The following TTC3 variants were observed in gnomAD, a reference collection of about 807,000 sequenced individuals.
TTC3 encodes tetratricopeptide repeat domain 3.
In TTC3, 180 loss-of-function variants were observed where a neutral mutation model predicts 249.6. The ratio of observed to expected loss-of-function variants is 0.72; its 90% confidence interval spans 0.64 to 0.82. The LOEUF (loss-of-function observed/expected upper bound fraction) is 0.82. Ranked by LOEUF, TTC3 falls within the 40% of genes least tolerant of loss-of-function variation. The pLI is 0.00. For missense variants in TTC3, 2,061 were observed against 2,398.4 expected, an observed-to-expected ratio of 0.86 and a Z score of 2.94; for synonymous variants, 717 against 805.0, an observed-to-expected ratio of 0.89 and a Z score of 1.85.
chr21:37,083,085 A>C, intron 1 of TTC3: 1 of 985,444 alleles, frequency 1.0e-6, no homozygotes, highest in Non-Finnish European at 1.2e-6. Flanking sequence ...AGACATGGGC[A>C]GGGTGCTCTT....
intron 9 of TTC3, among the ~76,000 whole-genome samples, chr21:37,095,905 G>C (rs2073893848): frequency 6.6e-6 from 1 of 152,208 alleles, no homozygotes; most frequent in African/African-American, 2.4e-5. Context: ...TCAGCTGCTA[G>C]AATTTTGTAG....
At chr21:37,160,745 T>G (rs2080647456) in intron 29 of TTC3, 57 bp from the exon 30 acceptor site, 1 of 1,565,068 alleles carries the variant, frequency 6.4e-7, no homozygotes, top group Non-Finnish European at 8.8e-7. Context: ...TTTCTTTATG[T>G]TGAGCTTCAT....
intron 15 of TTC3, among the ~76,000 whole-genome samples, chr21:37,127,841 A>T (rs2077157114): frequency 6.6e-6 from 1 of 152,170 alleles, no homozygotes; most frequent in Admixed American, 6.5e-5. Context: ...TTTGGTTAGC[A>T]CATTAGCGTA....
chr21:37,120,479 A>G (rs2076494411), intron 11 of TTC3, among the ~76,000 whole-genome samples: 2 of 152,206 alleles, frequency 1.3e-5, no homozygotes, highest in South Asian at 4.1e-4. Context: ...TTCTTATGCT[A>G]GCTGTGGGTT....
At chr21:37,156,400 A>G (rs2080090362) in intron 27 of TTC3, among the ~76,000 whole-genome samples, 1 of 152,196 alleles carries the variant, frequency 6.6e-6, no homozygotes, top group Admixed American at 6.5e-5. Context: ...AATAAAGGTA[A>G]CTATGATAGT....
chr21:37,165,632 G>A (rs778846939), exon 33 of TTC3: 3 of 1,614,080 alleles, frequency 1.9e-6, no homozygotes, highest in African/African-American at 2.7e-5. Context: ...GTTTTTCCCA[G>A]AAGAAACTCG....
chr21:37,196,935 G>A (rs188424995), intron 42 of TTC3, among the ~76,000 whole-genome samples: 8 of 152,276 alleles, frequency 5.3e-5, no homozygotes, highest in South Asian at 2.1e-4. Context: ...CTTCAGTAGC[G>A]TTTCTGCCTC....
chr21:37,096,299 T>C (rs1288769710), intron 9 of TTC3, among the ~76,000 whole-genome samples: 2 of 152,224 alleles, frequency 1.3e-5, no homozygotes, highest in Non-Finnish European at 2.9e-5. Context: ...AGCTCTTTAA[T>C]ATGTCTCGTT....
At chr21:37,104,327 C>T (rs770653664) in intron 10 of TTC3, among the ~76,000 whole-genome samples, 22 of 152,206 alleles carry the variant, frequency 1.4e-4, no homozygotes, top group African/African-American at 4.8e-4. Context: ...TGGTGACTCA[C>T]GCCTGTAATC....
chr21:37,147,079 G>C (rs1427331281), intron 21 of TTC3, among the ~76,000 whole-genome samples: 1 of 152,126 alleles, frequency 6.6e-6, no homozygotes, highest in African/African-American at 2.4e-5. Flanking sequence ...TTAGGATTCT[G>C]GATGAGGTGA....
At chr21:37,090,951 C>T (rs2073185621) in intron 6 of TTC3, among the ~76,000 whole-genome samples, 1 of 152,034 alleles carries the variant, frequency 6.6e-6, no homozygotes, top group South Asian at 2.1e-4. Context: ...GATCTGAGAA[C>T]CCTCATCCAC....
Position 37,097,631 on chromosome 21 carries a change from A to T in TTC3, c.845+988A>T, listed in dbSNP as rs2074071697. On this transcript the variant is annotated intron_variant, in intron 10 of 45. Coordinates refer to ENST00000355666, the Ensembl canonical transcript of TTC3. ...ATTGGTCAGGTGAAACAGTTTTCCT[A>T]GTATTTAGTTTTGAAAGAAGTTGGG... Among the ~76,000 whole-genome samples the T allele has an allele frequency of 2.0e-5, 3 of 152,338 alleles. No homozygotes were observed. In the South Asian group the frequency reaches 6.2e-4, roughly 32 times the overall value.
chr21:37,144,218 T>G (rs1316079984), intron 20 of TTC3, among the ~76,000 whole-genome samples: 1 of 151,752 alleles, frequency 6.6e-6, no homozygotes, highest in African/African-American at 2.4e-5. Context: ...GTTGTGCACA[T>G]GTACCCTAGA....
At chr21:37,101,351 TTGTGTGTGTGTGTGTGTGTG>T (rs34514861) in intron 10 of TTC3, 13 of 144,352 alleles carry the variant, frequency 9.0e-5, no homozygotes, top group Non-Finnish European at 1.9e-4. Context: ...TCACAAATTC[TTGTGTGTGTGTGTGTGTGTG>T]TGTGTGTGTG....
At chr21:37,134,604 G>A (rs1036729484) in intron 17 of TTC3, among the ~76,000 whole-genome samples, 1 of 152,136 alleles carries the variant, frequency 6.6e-6, no homozygotes, top group African/African-American at 2.4e-5. Context: ...TTTGAATGGC[G>A]CACACGTGTA....
chr21:37,103,668 C>T (rs989870394), intron 10 of TTC3, among the ~76,000 whole-genome samples: 1 of 152,106 alleles, frequency 6.6e-6, no homozygotes, highest in Non-Finnish European at 1.5e-5. Flanking sequence ...AGCATTGATT[C>T]AACAAATATT....
At chr21:37,132,705 C>A in exon 17 of TTC3, 1 of 1,606,216 alleles carries the variant, frequency 6.2e-7, no homozygotes, top group South Asian at 1.1e-5. Flanking sequence ...TTGACTTTAC[C>A]AGCAGATTTG....
At chr21:37,189,180 G>A (rs913624693) in intron 39 of TTC3, among the ~76,000 whole-genome samples, 2 of 152,134 alleles carry the variant, frequency 1.3e-5, no homozygotes, top group African/African-American at 4.8e-5. Flanking sequence ...GACAGCATGC[G>A]AGAATGTTTA....
At chr21:37,180,766 A>T (rs2082688401) in intron 35 of TTC3, among the ~76,000 whole-genome samples, 1 of 152,056 alleles carries the variant, frequency 6.6e-6, no homozygotes, top group African/African-American at 2.4e-5. Flanking sequence ...ATAATAAAAA[A>T]AAATGGCTTT....
Sources: allele counts gnomAD v4.1 joint callset (sites outside exome capture counted in the v4.1 genomes callset), GRCh38; gene constraint gnomAD v4.1.1; transcripts MANE v1.5; gene names NCBI Gene and HGNC (gene_info 2026-07-23, HGNC 2026-07-21).